PPFIA2: variants seen among roughly 807,000 people sequenced by gnomAD.
PPFIA2 encodes PPFI scaffold protein A2.
Under a neutral mutation model 175.5 loss-of-function variants are expected in PPFIA2, and 46 were observed. That is an observed-to-expected ratio of 0.26 (90% CI 0.21 to 0.34). The LOEUF (loss-of-function observed/expected upper bound fraction) is 0.34, where lower values mean the gene tolerates loss of function less well. PPFIA2 is among the 10% of genes least tolerant of loss of function. The probability of loss-of-function intolerance (pLI) is 1.00; values close to 1 mark genes in which losing one functional copy is unlikely to be tolerated. For synonymous variants in PPFIA2, 568 were observed against 511.4 expected (o/e 1.11, Z -1.49); for missense variants, 1,179 against 1,506.1 (o/e 0.78, Z 3.60).
chr12:81,287,547 C>T (rs1024169608), intron 24 of PPFIA2, among the ~76,000 whole-genome samples: 2 of 151,902 alleles, frequency 1.3e-5, no homozygotes, highest in African/African-American at 4.8e-5. Flanking sequence ...AAGACCACTG[C>T]CAGCCCTATA....
intron 31 of PPFIA2, 147 bp from the exon 32 acceptor site, chr12:81,262,187 T>A: frequency 1.6e-6 from 1 of 615,088 alleles, no homozygotes; most frequent in Middle Eastern, 2.8e-4. Flanking sequence ...CACATTCCTC[T>A]TCTCTAGATC....
chr12:81,569,437 G>A (rs1003959603), intron 4 of PPFIA2, among the ~76,000 whole-genome samples: 3 of 152,060 alleles, frequency 2.0e-5, no homozygotes, highest in Non-Finnish European at 2.9e-5. Flanking sequence ...TCTAAACTCC[G>A]ACTACTCCAA....
intron 3 of PPFIA2, among the ~76,000 whole-genome samples, chr12:81,750,499 T>C (rs2083606698): frequency 9.4e-6 from 1 of 106,716 alleles, no homozygotes; most frequent in African/African-American, 2.6e-5. Flanking sequence ...TGGAGGTAGA[T>C]GATGACTGGG....
At chr12:81,501,869 G>A in intron 4 of PPFIA2, among the ~76,000 whole-genome samples, 1 of 152,094 alleles carries the variant, frequency 6.6e-6, no homozygotes, top group East Asian at 1.9e-4. Flanking sequence ...TGCTAAGAAA[G>A]ATCAAAGGAG....
chr12:81,633,296 C>T (rs1269926808), intron 4 of PPFIA2, among the ~76,000 whole-genome samples: 1 of 152,038 alleles, frequency 6.6e-6, no homozygotes, highest in Non-Finnish European at 1.5e-5. Context: ...TGCAGAGAGG[C>T]TTAGGGATGA....
chr12:81,371,225 T>C (rs537719419), intron 11 of PPFIA2, among the ~76,000 whole-genome samples: 15 of 129,740 alleles, frequency 1.2e-4, no homozygotes, highest in Non-Finnish European at 2.4e-4. Flanking sequence ...TATACAGAGT[T>C]ACCATGGTCC....
chr12:81,589,375 C>T (rs1477263742), intron 4 of PPFIA2, among the ~76,000 whole-genome samples: 1 of 151,918 alleles, frequency 6.6e-6, no homozygotes, highest in African/African-American at 2.4e-5. Flanking sequence ...CCTTGAGTTG[C>T]CCTTTATATC....
rs1469274593 is a variant in PPFIA2 at position 81,341,211 on chromosome 12, A to G, written c.2263-3T>C. The G allele has an allele frequency of 1.2e-6, 2 of 1,610,182 alleles. No individual in the cohort carries two copies. Among genetic ancestry groups the G allele is most frequent in the African/African-American group, 2.7e-5 (2 of 74,872 alleles). The stretch of plus-strand genomic sequence containing the variant: ...CCATCTTCTTCCACAACTGCAATCT[A>G]GAAGCAAAAACAATACATTCAAATA... On this transcript the variant is annotated splice_region_variant and splice_polypyrimidine_tract_variant and intron_variant, in intron 19 of 32. Transcript: ENST00000549396.
At chr12:81,362,615 G>T in intron 15 of PPFIA2, 78 bp downstream of exon 15, 1 of 938,730 alleles carries the variant, frequency 1.1e-6, no homozygotes, top group Non-Finnish European at 1.6e-6. Flanking sequence ...ATTTATTTTA[G>T]TTGAGGACAT....
At chr12:81,584,764 A>G (rs1048089429) in intron 4 of PPFIA2, among the ~76,000 whole-genome samples, 1 of 140,988 alleles carries the variant, frequency 7.1e-6, no homozygotes, top group Non-Finnish European at 1.5e-5. Flanking sequence ...TGGTAAATAT[A>G]TAGCATAAAA....
At chr12:81,599,809 G>C (rs2059613002) in intron 4 of PPFIA2, among the ~76,000 whole-genome samples, 2 of 151,824 alleles carry the variant, frequency 1.3e-5, no homozygotes, top group Non-Finnish European at 2.9e-5. Flanking sequence ...TCATGACCTT[G>C]ATGGTCTGGA....
chr12:81,503,210 A>AT (rs1246774990), intron 4 of PPFIA2, among the ~76,000 whole-genome samples: 4 of 152,066 alleles, frequency 2.6e-5, no homozygotes, highest in African/African-American at 9.6e-5. Context: ...CTTCTAACTG[A>AT]TTTTTTTAAA....
At chr12:81,407,498 A>AAAATAAAAT (rs1422277897) in intron 7 of PPFIA2, among the ~76,000 whole-genome samples, 1 of 150,654 alleles carries the variant, frequency 6.6e-6, no homozygotes, top group Non-Finnish European at 1.5e-5. Flanking sequence ...AAAATAAAAT[A>AAAATAAAAT]AAATAAAATA....
At chr12:81,424,016 C>A (rs1592761722) in intron 7 of PPFIA2, among the ~76,000 whole-genome samples, 1 of 152,030 alleles carries the variant, frequency 6.6e-6, no homozygotes, top group East Asian at 1.9e-4. Context: ...GAATCAAATA[C>A]TTAGCAATAA....
intron 2 of PPFIA2, among the ~76,000 whole-genome samples, chr12:81,756,296 T>G (rs1196766476): frequency 6.6e-6 from 1 of 152,132 alleles, no homozygotes; most frequent in Non-Finnish European, 1.5e-5. Context: ...ACGTCCTTCT[T>G]GAATGAAAGT....
At chr12:81,546,871 A>C (rs1260663841) in intron 4 of PPFIA2, among the ~76,000 whole-genome samples, 2 of 152,096 alleles carry the variant, frequency 1.3e-5, no homozygotes, top group Non-Finnish European at 2.9e-5. Context: ...AAGTCGCAGC[A>C]GTTGGGCCCA....
At chr12:81,427,178 A>C (rs2047279108) in intron 7 of PPFIA2, among the ~76,000 whole-genome samples, 2 of 152,068 alleles carry the variant, frequency 1.3e-5, no homozygotes, top group South Asian at 4.1e-4. Flanking sequence ...AAGATGAGGA[A>C]ACTATACCAG....
At chr12:81,566,530 C>CAAAAAAAAAAAAAAAAAAAAAA (rs3075452) in intron 4 of PPFIA2, among the ~76,000 whole-genome samples, 28 of 68,456 alleles carry the variant, frequency 4.1e-4, no homozygotes, top group East Asian at 8.5e-4. Context: ...GACTCCAACT[C>CAAAAAAAAAAAAAAAAAAAAAA]AAAAAAAAAA....
chr12:81,563,877 A>C (rs1343190465), intron 4 of PPFIA2, among the ~76,000 whole-genome samples: 1 of 152,208 alleles, frequency 6.6e-6, no homozygotes, highest in African/African-American at 2.4e-5. Flanking sequence ...AAGTACACAA[A>C]TAATTGTAAT....
Sources: allele counts gnomAD v4.1 joint callset (sites outside exome capture counted in the v4.1 genomes callset), GRCh38; gene constraint gnomAD v4.1.1; transcripts MANE v1.5; gene names NCBI Gene and HGNC (gene_info 2026-07-23, HGNC 2026-07-21).